OPTC: variants seen among roughly 807,000 people sequenced by gnomAD.
OPTC encodes the protein opticin.
In OPTC, 22 loss-of-function variants were observed where a neutral mutation model predicts 25.4. That is an observed-to-expected ratio of 0.87 (90% CI 0.62 to 1.24). The LOEUF (loss-of-function observed/expected upper bound fraction) is 1.24. Among genes scored for constraint, OPTC ranks in the 50% most tolerant of loss-of-function variants. The pLI is 0.00. For missense variants in OPTC, 417 were observed against 425.2 expected (o/e 0.98, Z 0.17); for synonymous variants, 169 against 179.3 (o/e 0.94, Z 0.46).
intron 7 of OPTC, among the ~76,000 whole-genome samples, chr1:203,506,553 G>A (rs987180287): frequency 1.3e-5 from 2 of 152,024 alleles, no homozygotes; most frequent in Non-Finnish European, 2.9e-5. Context: ...ATGCCTCTCG[G>A]TTACTCTTTG....
At chr1:203,495,087 TAA>T (rs1356354592) in intron 1 of OPTC, among the ~76,000 whole-genome samples, 1 of 152,226 alleles carries the variant, frequency 6.6e-6, no homozygotes. Flanking sequence ...CCATGTCTCC[TAA>T]AGAGACTAGG....
intron 5 of OPTC, among the ~76,000 whole-genome samples, chr1:203,501,466 C>G (rs1417058807): frequency 6.6e-6 from 1 of 152,214 alleles, no homozygotes; most frequent in Non-Finnish European, 1.5e-5. Flanking sequence ...TTGTATGACA[C>G]AAATATGCCC....
intron 6 of OPTC, among the ~76,000 whole-genome samples, chr1:203,503,310 C>T (rs1020891347): frequency 7.2e-5 from 11 of 152,154 alleles, no homozygotes; most frequent in Admixed American, 7.2e-4. Context: ...TCCTTCCCTT[C>T]AGTCCTTCCC....
At chr1:203,504,519 G>A (rs557409817) in intron 7 of OPTC, among the ~76,000 whole-genome samples, 1 of 152,300 alleles carries the variant, frequency 6.6e-6, no homozygotes, top group South Asian at 2.1e-4. Flanking sequence ...ACTGTAAAAT[G>A]TTTGCCTGCA....
intron 3 of OPTC, 52 bp from the exon 4 acceptor site, chr1:203,498,629 G>A: frequency 6.2e-7 from 1 of 1,608,844 alleles, no homozygotes. Flanking sequence ...GAGGGCCATT[G>A]GCCCCAGAGG....
intron 3 of OPTC, 94 bp downstream of exon 3, chr1:203,497,209 G>A: frequency 7.0e-7 from 1 of 1,428,284 alleles, no homozygotes; most frequent in Non-Finnish European, 9.7e-7. Flanking sequence ...AACGTGGTTG[G>A]GGTTGGGGCA....
At chr1:203,504,835 G>A (rs972091432) in intron 7 of OPTC, among the ~76,000 whole-genome samples, 1 of 152,116 alleles carries the variant, frequency 6.6e-6, no homozygotes, top group Non-Finnish European at 1.5e-5. Flanking sequence ...CTTCCCATTC[G>A]CTCCTACATG....
At chr1:203,498,522 C>T (rs556540048) in intron 3 of OPTC, among the ~76,000 whole-genome samples, 159 bp from the exon 4 acceptor site, 1 of 152,272 alleles carries the variant, frequency 6.6e-6, no homozygotes, top group Admixed American at 6.5e-5. Context: ...GGGGAGCAGA[C>T]AACAGCACCG....
At chr1:203,506,147 TTTTTC>T (rs1383379500) in intron 7 of OPTC, among the ~76,000 whole-genome samples, 2 of 94,106 alleles carry the variant, frequency 2.1e-5, no homozygotes, top group Non-Finnish European at 5.1e-5. Flanking sequence ...CCAATTTTCT[TTTTTC>T]TTTTTTTTTT....
Position 203,497,089 on chromosome 1 carries a change from T to G in OPTC, c.344T>G (p.Leu115Arg). Reference protein sequence around the residue: ...PTMTRPTTAGLLLSSQPNHGL... With the variant: ...PTMTRPTTAGRLLSSQPNHGL... The stretch of plus-strand genomic sequence containing the variant: ...ATGACCAGACCTACTACAGCAGGGC[T>G]GCTACTGAGTTCCCAGCCCAACCAT... Residue 115 changes from leucine to arginine, a missense_variant, in exon 3 of 8, where the codon CTG becomes CGG. Transcript: ENST00000367222. The G allele has an allele frequency of 6.2e-7, 1 of 1,614,074 alleles. No homozygotes were observed. Among genetic ancestry groups the G allele is most frequent in the Admixed American group, 1.7e-5 (1 of 60,012 alleles).
chr1:203,495,746 A>G lies in OPTC; in HGVS notation c.-41-219A>G, dbSNP rs1050274258. ...GTGAGTGAATATCAGTGTTTGGGTG[A>G]GCGTGTAAAAACACTCAAGTGGGGC... On this transcript the variant is annotated intron_variant, in intron 1 of 7. Coordinates refer to ENST00000367222, the MANE Select transcript of OPTC (RefSeq NM_014359.4). 2.0e-5 allele frequency among the ~76,000 whole-genome samples: 3 copies of G among 152,102 alleles called. No homozygotes were observed. In the East Asian group the frequency reaches 5.8e-4, roughly 29 times the overall value.
In OPTC at chr1:203,494,182, A is replaced by C. The variant is rs550401084; in HGVS notation, c.-77A>C. ...GAGTCCCCACCTTTCTGGAAGCTGCAGGGCTCTCCATCCAGGATCCAGAAG... is the reference window on the plus strand; with the variant it reads ...GAGTCCCCACCTTTCTGGAAGCTGCCGGGCTCTCCATCCAGGATCCAGAAG... On this transcript the variant is annotated 5_prime_UTR_variant, in exon 1 of 8. Coordinates refer to ENST00000367222, the MANE Select transcript of OPTC (RefSeq NM_014359.4). 6.6e-6 allele frequency: 1 copy of C among 152,452 alleles called. No homozygotes were observed. The highest frequency in any genetic ancestry group is 1.9e-4 in the East Asian group (1 of 5,184). 9.4% of individuals were successfully genotyped at this position (152,452 alleles called of 1,614,324 possible).
At chr1:203,497,703 C>A (rs1486167317) in intron 3 of OPTC, among the ~76,000 whole-genome samples, 1 of 152,170 alleles carries the variant, frequency 6.6e-6, no homozygotes, top group Non-Finnish European at 1.5e-5. Context: ...TTTCCCTGTT[C>A]TCTTCTCGGG....
intron 2 of OPTC, among the ~76,000 whole-genome samples, chr1:203,496,456 C>G (rs1332589003): frequency 6.6e-6 from 1 of 152,202 alleles, no homozygotes; most frequent in South Asian, 2.1e-4. Flanking sequence ...TACTTGCCTC[C>G]CCCTGCCAAA....
rs536552656 is a variant in OPTC at position 203,498,346 on chromosome 1, C to A, written c.371-335C>A. Among the ~76,000 whole-genome samples the A allele has an allele frequency of 1.2e-4, 18 of 152,266 alleles. 2 individuals are homozygous for A. Among genetic ancestry groups the A allele is most frequent in the African/African-American group, 3.9e-4 (16 of 41,540 alleles). ...TTAATTCTGGCTTTACTTTTTGGGA[C>A]CAGAGAGGAATCCTGTGGAAAAGAG... is the stretch of plus-strand genomic sequence containing the variant. On this transcript the variant is annotated intron_variant, in intron 3 of 7. Transcript: ENST00000367222.
intron 5 of OPTC, among the ~76,000 whole-genome samples, 176 bp downstream of exon 5, chr1:203,500,027 TACCACCGCC>T (rs1661352217): frequency 3.8e-5 from 1 of 26,498 alleles, no homozygotes. Flanking sequence ...ACCACCCACC[TACCACCGCC>T]ACCACCACCA....
chr1:203,501,553 T>C (rs1661392053), intron 5 of OPTC, among the ~76,000 whole-genome samples: 1 of 152,258 alleles, frequency 6.6e-6, no homozygotes, highest in Admixed American at 6.5e-5. Flanking sequence ...TTTCTCTCTC[T>C]GTCTCTCAAG....
intron 7 of OPTC, among the ~76,000 whole-genome samples, chr1:203,507,940 A>C (rs1661523313): frequency 6.6e-6 from 1 of 152,138 alleles, no homozygotes; most frequent in Admixed American, 6.5e-5. Flanking sequence ...GGGAATAGTA[A>C]TCTCTTACAT....
intron 7 of OPTC, among the ~76,000 whole-genome samples, chr1:203,506,480 T>TA (rs35729215): frequency 4.9e-4 from 72 of 146,572 alleles, no homozygotes; most frequent in Middle Eastern, 3.5e-3. Flanking sequence ...AAAATCTAAT[T>TA]AAAAAAAAAA....
Sources: gnomAD v4.1 joint callset for allele counts (sites outside exome capture counted in the v4.1 genomes callset) on GRCh38, gnomAD v4.1.1 for gene constraint, MANE v1.5 for transcripts, NCBI Gene and HGNC (gene_info 2026-07-23, HGNC 2026-07-21) for gene names.